Variants in KCNMA1 observed in about 807,000 individuals in gnomAD.
KCNMA1 encodes the protein Calcium-activated potassium channel subunit alpha-1.
Under a neutral mutation model 140.0 loss-of-function variants are expected in KCNMA1, and 29 were observed. That is an observed-to-expected ratio of 0.21 (90% CI 0.15 to 0.28). The LOEUF (loss-of-function observed/expected upper bound fraction) is 0.28, where lower values mean the gene tolerates loss of function less well. Ranked by LOEUF, KCNMA1 falls within the 10% of genes least tolerant of loss-of-function variation. The pLI, the probability that KCNMA1 is intolerant of heterozygous loss-of-function variation, is 1.00. For missense variants in KCNMA1, 880 were observed against 1,602.2 expected, an observed-to-expected ratio of 0.55 and a Z score of 7.70; for synonymous variants, 612 against 611.9, an observed-to-expected ratio of 1.00 and a Z score of 0.00.
At chr10:77,081,557 T>C (rs942019072) in intron 12 of KCNMA1, among the ~76,000 whole-genome samples, 2 of 152,080 alleles carry the variant, frequency 1.3e-5, no homozygotes, top group African/African-American at 2.4e-5. Flanking sequence ...AGTGCAGAAA[T>C]GGAGAGAAGG....
intron 1 of KCNMA1, among the ~76,000 whole-genome samples, chr10:77,602,674 A>C (rs953557787): frequency 6.6e-6 from 1 of 152,154 alleles, no homozygotes; most frequent in Non-Finnish European, 1.5e-5. Context: ...GGCACTGGGC[A>C]CATATCAGTC....
chr10:77,419,698 G>C (rs1603545687), intron 1 of KCNMA1, among the ~76,000 whole-genome samples: 1 of 152,150 alleles, frequency 6.6e-6, no homozygotes, highest in African/African-American at 2.4e-5. Flanking sequence ...TTTTTTTAAA[G>C]TCTTTAAAAA....
intron 1 of KCNMA1, among the ~76,000 whole-genome samples, chr10:77,627,235 T>C (rs1342692312): frequency 1.3e-5 from 2 of 152,122 alleles, no homozygotes; most frequent in African/African-American, 2.4e-5. Flanking sequence ...GAAAATGGAA[T>C]CCAACTCGAG....
intron 14 of KCNMA1, among the ~76,000 whole-genome samples, chr10:77,048,749 A>C (rs1045144691): frequency 3.3e-5 from 5 of 152,178 alleles, no homozygotes; most frequent in African/African-American, 1.2e-4. Flanking sequence ...GTAAATCTCC[A>C]AGAGGAGAAC....
At chr10:77,348,721 C>G (rs1480776595) in intron 2 of KCNMA1, among the ~76,000 whole-genome samples, 1 of 152,150 alleles carries the variant, frequency 6.6e-6, no homozygotes, top group East Asian at 1.9e-4. Context: ...TTTAAATATT[C>G]CAGTAGGGAC....
chr10:76,924,607 A>T (rs753870811), intron 23 of KCNMA1, among the ~76,000 whole-genome samples: 1 of 152,194 alleles, frequency 6.6e-6, no homozygotes, highest in Non-Finnish European at 1.5e-5. Context: ...CAGCTGGTTC[A>T]TCTGTAAGGG....
chr10:77,480,097 G>A (rs968114924), intron 1 of KCNMA1, among the ~76,000 whole-genome samples: 1 of 152,174 alleles, frequency 6.6e-6, no homozygotes, highest in African/African-American at 2.4e-5. Flanking sequence ...GCCTCCCTCC[G>A]GACTCTTGAC....
downstream of KCNMA1, chr10:76,884,612 C>A: frequency 5.3e-6 from 1 of 188,036 alleles, no homozygotes; most frequent in Non-Finnish European, 1.1e-5. Flanking sequence ...AGGCCACGTG[C>A]AGATTAAAAG....
At chr10:77,424,073 G>A (rs1162295370) in intron 1 of KCNMA1, among the ~76,000 whole-genome samples, 1 of 152,210 alleles carries the variant, frequency 6.6e-6, no homozygotes, top group Non-Finnish European at 1.5e-5. Context: ...ACAATCCCAG[G>A]TTTGCATATT....
At chr10:76,920,826 C>T (rs916706479) in intron 23 of KCNMA1, among the ~76,000 whole-genome samples, 1 of 152,152 alleles carries the variant, frequency 6.6e-6, no homozygotes, top group African/African-American at 2.4e-5. Flanking sequence ...GAGGCCTGAG[C>T]CAGTCTTACT....
chr10:77,394,507 A>T (rs1344800233), intron 2 of KCNMA1, among the ~76,000 whole-genome samples: 2 of 152,232 alleles, frequency 1.3e-5, no homozygotes, highest in East Asian at 3.9e-4. Context: ...CTGCCGAAGC[A>T]GTGGGCAGGT....
intron 3 of KCNMA1, among the ~76,000 whole-genome samples, chr10:77,195,354 A>G (rs1025861584): frequency 1.3e-5 from 2 of 152,164 alleles, no homozygotes; most frequent in African/African-American, 4.8e-5. Context: ...TAGGAATGTC[A>G]TAAAGGACCT....
chr10:77,323,405 C>T (rs899759291), intron 2 of KCNMA1, among the ~76,000 whole-genome samples: 5 of 152,154 alleles, frequency 3.3e-5, no homozygotes, highest in African/African-American at 2.4e-5. Flanking sequence ...AAGTGGGGGG[C>T]AAATTCTAAA....
chr10:77,340,393 C>T (rs1334413381), intron 2 of KCNMA1, among the ~76,000 whole-genome samples: 3 of 152,150 alleles, frequency 2.0e-5, no homozygotes, highest in Non-Finnish European at 4.4e-5. Context: ...AATTATGCTG[C>T]TATTAAGACA....
intron 1 of KCNMA1, among the ~76,000 whole-genome samples, chr10:77,505,081 G>A (rs563991203): frequency 4.6e-5 from 7 of 152,070 alleles, no homozygotes; most frequent in Admixed American, 1.3e-4. Flanking sequence ...AACGGCTGGC[G>A]GCTGAGTCAG....
At chr10:77,079,605 CA>C in intron 12 of KCNMA1, 55 bp from the exon 13 acceptor site, 2 of 1,211,444 alleles carry the variant, frequency 1.7e-6, no homozygotes, top group African/African-American at 1.5e-5. Context: ...TGGTGTCTGA[CA>C]AAAAGATCAA....
At chr10:77,564,322 G>A (rs1391391868) in intron 1 of KCNMA1, among the ~76,000 whole-genome samples, 10 of 152,098 alleles carry the variant, frequency 6.6e-5, no homozygotes, top group Non-Finnish European at 1.3e-4. Context: ...CCTGTAACAC[G>A]AGCACTTTGG....
chr10:77,391,947 A>C (rs1445055382), intron 2 of KCNMA1, among the ~76,000 whole-genome samples: 2 of 151,168 alleles, frequency 1.3e-5, no homozygotes, highest in Admixed American at 6.6e-5. Flanking sequence ...TTTTCTGACA[A>C]AAACGGAGTG....
At chr10:77,036,754 T>A (rs2094362812) in intron 15 of KCNMA1, among the ~76,000 whole-genome samples, 1 of 152,196 alleles carries the variant, frequency 6.6e-6, no homozygotes, top group African/African-American at 2.4e-5. Flanking sequence ...TAATTACGGC[T>A]GTGCTTTAAT....
Sources: allele counts gnomAD v4.1 joint callset (sites outside exome capture counted in the v4.1 genomes callset), GRCh38; gene constraint gnomAD v4.1.1; transcripts MANE v1.5; gene names NCBI Gene and HGNC (gene_info 2026-07-23, HGNC 2026-07-21).